CCDC148: variants seen among roughly 807,000 people sequenced by gnomAD.
CCDC148 encodes the protein coiled-coil domain containing 148, also known as coiled-coil domain-containing protein 148.
CCDC148 carries 89 observed loss-of-function variants against 85.7 expected under a neutral mutation model. That is an observed-to-expected ratio of 1.04 (90% CI 0.87 to 1.24). The LOEUF is 1.24. Ranked by LOEUF, CCDC148 falls within the 50% of genes most tolerant of loss-of-function variation. The pLI is 0.00. For synonymous variants in CCDC148, 230 were observed against 213.9 expected, an observed-to-expected ratio of 1.08 and a Z score of -0.66; for missense variants, 692 against 671.7, an observed-to-expected ratio of 1.03 and a Z score of -0.33.
chr2:158,283,058 G>T (rs1422591367), intron 9 of CCDC148, among the ~76,000 whole-genome samples: 3 of 152,152 alleles, frequency 2.0e-5, no homozygotes, highest in Non-Finnish European at 4.4e-5. Flanking sequence ...AATGGTGCTG[G>T]GAAAACTGGC....
chr2:158,405,390 A>G (rs527790930), intron 1 of CCDC148, among the ~76,000 whole-genome samples: 51 of 152,292 alleles, frequency 3.3e-4, no homozygotes, highest in African/African-American at 1.2e-3. Flanking sequence ...ACCTCTTATA[A>G]CTATAAGCTT....
At chr2:158,298,056 G>A (rs948195980) in intron 9 of CCDC148, among the ~76,000 whole-genome samples, 1 of 152,230 alleles carries the variant, frequency 6.6e-6, no homozygotes, top group Admixed American at 6.5e-5. Context: ...AAGCAAACAT[G>A]TCCTTCTTCA....
At chr2:158,287,496 T>C (rs1264595569) in intron 9 of CCDC148, among the ~76,000 whole-genome samples, 15 of 151,944 alleles carry the variant, frequency 9.9e-5, no homozygotes, top group African/African-American at 2.7e-4. Context: ...GCCATTTTAA[T>C]GGGAGAAATT....
intron 1 of CCDC148, among the ~76,000 whole-genome samples, chr2:158,439,908 T>C (rs139942840): frequency 0.01 from 1,524 of 152,284 alleles, 28 homozygotes; most frequent in African/African-American, 0.034. Context: ...TTGTGCAGGC[T>C]GGAGTGCAGT....
Position 158,346,995 on chromosome 2 carries a change from G to C in CCDC148, c.148-1677C>G, listed in dbSNP as rs752131798. Among the ~76,000 whole-genome samples, 4 of 152,054 alleles carry C rather than the reference G, an allele frequency of 2.6e-5. No homozygotes were observed. In the South Asian group the frequency reaches 6.2e-4, roughly 24 times the overall value. The stretch of plus-strand genomic sequence containing the variant: ...GTGTTACAATTATAAAATTTAGGAG[G>C]AAAGTACGTTTTTAAAAGCACAGGA... On this transcript the variant is annotated intron_variant, in intron 2 of 13. Transcript: ENST00000283233.
At chr2:158,219,606 C>G (rs918942931) in intron 11 of CCDC148, among the ~76,000 whole-genome samples, 4 of 152,188 alleles carry the variant, frequency 2.6e-5, no homozygotes, top group African/African-American at 9.6e-5. Context: ...CATGGTCAGT[C>G]CCATCAAATT....
chr2:158,313,620 ATAACCCTAT>A, intron 8 of CCDC148, 127 bp downstream of exon 8: 2 of 952,804 alleles, frequency 2.1e-6, no homozygotes, highest in South Asian at 4.1e-5. Context: ...AAACTATTAT[ATAACCCTAT>A]TATTTTCTAG....
At chr2:158,241,619 G>A (rs1165752036) in intron 10 of CCDC148, among the ~76,000 whole-genome samples, 1 of 152,056 alleles carries the variant, frequency 6.6e-6, no homozygotes, top group Non-Finnish European at 1.5e-5. Context: ...ATTTTGTTTG[G>A]ACCCTTAATG....
chr2:158,334,443 A>G (rs974917229), intron 7 of CCDC148, among the ~76,000 whole-genome samples: 1 of 152,338 alleles, frequency 6.6e-6, no homozygotes. Context: ...GGAAACCAGA[A>G]GTCTCTATTT....
In CCDC148 at chr2:158,203,214, G is replaced by C. The variant is rs146384498; in HGVS notation, c.1370+17381C>G. ...ACCTTACCCACTGTCTGTGCCTTGA[G>C]GTCTTTACCTTGACAGATCAATCTC... is the stretch of plus-strand genomic sequence containing the variant. On this transcript the variant is annotated intron_variant, in intron 11 of 13. Coordinates refer to ENST00000283233, the MANE Select transcript of CCDC148 (RefSeq NM_138803.4). Among the ~76,000 whole-genome samples, 6 of 152,232 alleles carry C rather than the reference G, an allele frequency of 3.9e-5. No homozygotes were observed. In the East Asian group the frequency reaches 9.7e-4, roughly 24 times the overall value.
At chr2:158,255,237 G>A (rs1437066869) in intron 9 of CCDC148, among the ~76,000 whole-genome samples, 1 of 151,488 alleles carries the variant, frequency 6.6e-6, no homozygotes, top group African/African-American at 2.4e-5. Context: ...TCAGGGACCC[G>A]TAGAATTTTA....
At chr2:158,209,098 G>GTA (rs10656848) in intron 11 of CCDC148, among the ~76,000 whole-genome samples, 33,854 of 150,644 alleles carry the variant, frequency 0.22, 3,854 homozygotes, top group Middle Eastern at 0.27. Context: ...GTGTATGTAT[G>GTA]TATATATATA....
At chr2:158,443,929 A>G (rs920157223) in intron 1 of CCDC148, among the ~76,000 whole-genome samples, 1 of 152,256 alleles carries the variant, frequency 6.6e-6, no homozygotes, top group Non-Finnish European at 1.5e-5. Flanking sequence ...CACAGAAGCC[A>G]TAGTCAATAG....
rs534831015 is a variant in CCDC148, at chr2:158,419,519, T to G, written c.25+36896A>C. On this transcript the variant is annotated intron_variant, in intron 1 of 13. Transcript: ENST00000283233. ...GCCTTGCCACTTACTAACTATGGCTTTGAACAATTTGCTTAATTTCTCTGG... is the reference window on the plus strand; with the variant it reads ...GCCTTGCCACTTACTAACTATGGCTGTGAACAATTTGCTTAATTTCTCTGG... 6.0e-4 allele frequency among the ~76,000 whole-genome samples: 92 copies of G among 152,304 alleles called. No individual in the cohort carries two copies. In the South Asian group the frequency reaches 0.017, roughly 28 times the overall value.
At chr2:158,207,967 A>ACACG (rs1399473905) in intron 11 of CCDC148, among the ~76,000 whole-genome samples, 2 of 149,606 alleles carry the variant, frequency 1.3e-5, no homozygotes, top group Non-Finnish European at 2.9e-5. Flanking sequence ...ACACACACAC[A>ACACG]CACACACACA....
intron 1 of CCDC148, among the ~76,000 whole-genome samples, chr2:158,405,813 T>C (rs1361862612): frequency 6.6e-6 from 1 of 152,182 alleles, no homozygotes; most frequent in African/African-American, 2.4e-5. Context: ...GATAGTACAT[T>C]CATTGAATAT....
intron 7 of CCDC148, among the ~76,000 whole-genome samples, chr2:158,330,076 A>T (rs371899241): frequency 6.6e-6 from 1 of 152,048 alleles, no homozygotes; most frequent in Non-Finnish European, 1.5e-5. Flanking sequence ...GGGCATCCCT[A>T]TCTTGTGCCA....
Position 158,381,710 on chromosome 2 carries a change from C to A in CCDC148, c.26-23140G>T, listed in dbSNP as rs553455499. Among the ~76,000 whole-genome samples, 5 of 152,188 alleles carry A rather than the reference C, an allele frequency of 3.3e-5. No individual in the cohort carries two copies. In the South Asian group the frequency reaches 1.0e-3, roughly 32 times the overall value. On this transcript the variant is annotated intron_variant, in intron 1 of 13. Coordinates refer to ENST00000283233, the MANE Select transcript of CCDC148 (RefSeq NM_138803.4). ...AATGACCCACAGCCTGGGCAACAAA[C>A]AGATACTGACTCTACAAAAAAAATG...
chr2:158,292,115 A>C (rs923795362), intron 9 of CCDC148, among the ~76,000 whole-genome samples: 2 of 152,052 alleles, frequency 1.3e-5, no homozygotes, highest in Non-Finnish European at 2.9e-5. Flanking sequence ...TCCCTTTGCT[A>C]GTCTGCCTCT....
Sources: gnomAD v4.1 joint callset for allele counts (sites outside exome capture counted in the v4.1 genomes callset) on GRCh38, gnomAD v4.1.1 for gene constraint, MANE v1.5 for transcripts, NCBI Gene and HGNC (gene_info 2026-07-23, HGNC 2026-07-21) for gene names.